Variants in INPP4B observed in about 807,000 individuals in gnomAD.
The protein encoded by INPP4B is inositol polyphosphate 4-phosphatase type II.
INPP4B carries 55 observed loss-of-function variants against 122.5 expected under a neutral mutation model. The ratio of observed to expected loss-of-function variants is 0.45; its 90% confidence interval spans 0.36 to 0.56. The LOEUF is 0.56. INPP4B is among the 20% of genes least tolerant of loss of function. INPP4B has a pLI of 0.00. For synonymous variants in INPP4B, 403 were observed against 388.7 expected, an observed-to-expected ratio of 1.04 and a Z score of -0.43; for missense variants, 1,000 against 1,097.7, an observed-to-expected ratio of 0.91 and a Z score of 1.26.
intron 2 of INPP4B, among the ~76,000 whole-genome samples, chr4:142,709,512 G>A (rs137898739): frequency 0.017 from 2,648 of 152,160 alleles, 56 homozygotes; most frequent in African/African-American, 0.058. Flanking sequence ...CTTCCCCCTT[G>A]CTGTTCTCAT....
chr4:142,391,678 G>A (rs12500699), intron 7 of INPP4B, among the ~76,000 whole-genome samples: 31,291 of 152,086 alleles, frequency 0.21, 4,378 homozygotes, highest in African/African-American at 0.4. Context: ...TAAAGCTATT[G>A]TTATTAAAAG....
intron 25 of INPP4B, among the ~76,000 whole-genome samples, chr4:142,063,778 T>C (rs1221761376): frequency 2.0e-5 from 3 of 152,162 alleles, no homozygotes; most frequent in Non-Finnish European, 4.4e-5. Context: ...ACTTTTGTTA[T>C]TCAGGGGATG....
intron 10 of INPP4B, among the ~76,000 whole-genome samples, chr4:142,263,303 C>T (rs1422984441): frequency 2.6e-5 from 4 of 152,122 alleles, no homozygotes; most frequent in East Asian, 1.9e-4. Flanking sequence ...CCTACTTATC[C>T]TTTCTCTAAT....
chr4:142,707,334 C>T (rs1762587737), intron 2 of INPP4B, among the ~76,000 whole-genome samples: 1 of 152,106 alleles, frequency 6.6e-6, no homozygotes, highest in African/African-American at 2.4e-5. Flanking sequence ...ACCTTTTTTC[C>T]TAATGCAGTG....
At chr4:142,330,335 T>C (rs1038931780) in intron 7 of INPP4B, among the ~76,000 whole-genome samples, 8 of 152,342 alleles carry the variant, frequency 5.3e-5, no homozygotes, top group Admixed American at 2.0e-4. Context: ...TTGGATATCA[T>C]TGGGCCTGGA....
At chr4:142,340,433 G>A (rs930157765) in intron 7 of INPP4B, among the ~76,000 whole-genome samples, 2 of 151,388 alleles carry the variant, frequency 1.3e-5, no homozygotes, top group African/African-American at 2.4e-5. Flanking sequence ...TTAGAGACAG[G>A]GTCTCTTTCT....
At chr4:142,400,231 T>C (rs1222354895) in intron 7 of INPP4B, among the ~76,000 whole-genome samples, 1 of 152,354 alleles carries the variant, frequency 6.6e-6, no homozygotes, top group Middle Eastern at 3.4e-3. Flanking sequence ...ACAAGCAATT[T>C]AGTCATCTGA....
At chr4:142,740,406 T>G (rs1437890904) in intron 1 of INPP4B, among the ~76,000 whole-genome samples, 1 of 151,994 alleles carries the variant, frequency 6.6e-6, no homozygotes, top group Non-Finnish European at 1.5e-5. Context: ...TTCAAAACAT[T>G]TAGAAATGCT....
At chr4:142,490,557 G>A (rs1001439866) in intron 2 of INPP4B, among the ~76,000 whole-genome samples, 6 of 151,766 alleles carry the variant, frequency 4.0e-5, no homozygotes, top group African/African-American at 1.5e-4. Flanking sequence ...ATCATTTTTT[G>A]TGGTGAAAAC....
intron 2 of INPP4B, among the ~76,000 whole-genome samples, chr4:142,547,253 T>A (rs1271251771): frequency 6.6e-6 from 1 of 152,030 alleles, no homozygotes; most frequent in East Asian, 1.9e-4. Context: ...ATACAAGTAG[T>A]ATTTCTGGAG....
chr4:142,451,646 TA>T (rs1814251600), intron 3 of INPP4B, among the ~76,000 whole-genome samples: 1 of 152,184 alleles, frequency 6.6e-6, no homozygotes, highest in Admixed American at 6.5e-5. Context: ...ATTGCTTCTT[TA>T]AATTATAGGA....
rs769298268 is a variant in INPP4B, at chr4:142,314,782, C to T, written c.373-20G>A. Reference sequence around the variant, plus strand: ...TCGAACCTGTGGAGAAAAACATTTTCTGTAAGACTTTGGAGTAGAAACTAG... The same window carrying T: ...TCGAACCTGTGGAGAAAAACATTTTTTGTAAGACTTTGGAGTAGAAACTAG... On this transcript the variant is annotated intron_variant, in intron 7 of 25. Coordinates refer to ENST00000262992, the MANE Select transcript of INPP4B (RefSeq NM_001101669.3). 2.1e-5 allele frequency: 33 copies of T among 1,589,042 alleles called. No individual in the cohort carries two copies. The highest frequency in any genetic ancestry group is 2.7e-5 in the African/African-American group (2 of 73,906).
At chr4:142,811,386 C>G (rs755634656) in intron 1 of INPP4B, among the ~76,000 whole-genome samples, 13 of 152,198 alleles carry the variant, frequency 8.5e-5, no homozygotes, top group Non-Finnish European at 1.5e-4. Context: ...CATCCAGGTT[C>G]ATAGCCTGTC....
chr4:142,650,775 G>T (rs572405959), intron 2 of INPP4B, among the ~76,000 whole-genome samples: 22 of 152,266 alleles, frequency 1.4e-4, no homozygotes, highest in African/African-American at 4.1e-4. Flanking sequence ...AATAATGGGA[G>T]ATTTTAACAC....
At chr4:142,828,217 T>C (rs1781669038) in intron 1 of INPP4B, among the ~76,000 whole-genome samples, 1 of 152,114 alleles carries the variant, frequency 6.6e-6, no homozygotes, top group Non-Finnish European at 1.5e-5. Context: ...GTCAGGAAAC[T>C]AGGCCTTGGG....
intron 5 of INPP4B, among the ~76,000 whole-genome samples, chr4:142,414,234 A>G (rs1191389528): frequency 6.6e-6 from 1 of 152,182 alleles, no homozygotes; most frequent in Non-Finnish European, 1.5e-5. Flanking sequence ...CAACAATATT[A>G]AAACATGTCA....
At chr4:142,068,766 C>A (rs1765187441) in intron 25 of INPP4B, among the ~76,000 whole-genome samples, 1 of 152,164 alleles carries the variant, frequency 6.6e-6, no homozygotes, top group Admixed American at 6.5e-5. Flanking sequence ...GGGATCAATT[C>A]AACAAGAAGA....
rs532246306 is a variant in INPP4B at position 142,604,720 on chromosome 4, G to A, written c.-191+121119C>T. 5.3e-5 allele frequency among the ~76,000 whole-genome samples: 8 copies of A among 151,922 alleles called. No homozygotes were observed. In the East Asian group the frequency reaches 1.2e-3, roughly 22 times the overall value. On this transcript the variant is annotated intron_variant, in intron 2 of 25. Transcript: ENST00000262992. ...AAACACTGATGAAAGAAATTGAAGC[G>A]AACGTAAACAAATAGAAAGACATCC...
At chr4:142,227,725 G>A (rs1181112860) in intron 12 of INPP4B, among the ~76,000 whole-genome samples, 1 of 151,414 alleles carries the variant, frequency 6.6e-6, no homozygotes, top group East Asian at 1.9e-4. Context: ...GGGCATGGTG[G>A]TGGGCACCTG....
Sources: allele counts gnomAD v4.1 joint callset (sites outside exome capture counted in the v4.1 genomes callset), GRCh38; gene constraint gnomAD v4.1.1; transcripts MANE v1.5; gene names NCBI Gene and HGNC (gene_info 2026-07-23, HGNC 2026-07-21).